The following FOXJ2 variants were observed in gnomAD, a reference collection of about 807,000 sequenced individuals.
The protein encoded by FOXJ2 is forkhead box J2.
Under a neutral mutation model 68.4 loss-of-function variants are expected in FOXJ2, and 18 were observed. That is an observed-to-expected ratio of 0.26 (90% CI 0.18 to 0.39). The LOEUF (loss-of-function observed/expected upper bound fraction) is 0.39, where lower values mean the gene tolerates loss of function less well. FOXJ2 is among the 10% of genes least tolerant of loss of function. The pLI, the probability that FOXJ2 is intolerant of heterozygous loss-of-function variation, is 1.00. For synonymous variants in FOXJ2, 274 were observed against 263.2 expected (o/e 1.04, Z -0.40); for missense variants, 670 against 726.5 (o/e 0.92, Z 0.89).
rs202205771 is a variant in FOXJ2, at chr12:8,048,078, C to A, written c.1014C>A (p.Thr338=). ...SAVGGAPPLH[T]PSTDGCTPPG... ...TAGGGGGTGCTCCTCCACTGCACACCCCAAGCACAGATGGTTGTACCCCAC... is the reference window on the plus strand; with the variant it reads ...TAGGGGGTGCTCCTCCACTGCACACACCAAGCACAGATGGTTGTACCCCAC... The change falls in exon 7 of 11, where the codon ACC becomes ACA. Residue 338 remains threonine (T), a synonymous_variant. Transcript: ENST00000162391. 6.2e-6 allele frequency: 10 copies of A among 1,612,306 alleles called. No individual in the cohort carries two copies. The East Asian group carries it at 2.0e-4, about 32-fold the overall frequency.
rs936525147 is a variant in FOXJ2, at chr12:8,038,503, C to T, written c.-14-1316C>T. Among the ~76,000 whole-genome samples, 4 of 152,182 alleles carry T rather than the reference C, an allele frequency of 2.6e-5. No homozygotes were observed. Among genetic ancestry groups the T allele is most frequent in the Non-Finnish European group, 5.9e-5 (4 of 68,036 alleles). ...TTGAGGCAATCTAGTCCTGGCTCCT[C>T]AGGAGAAGTGCCCTGGTGGGACTGA... On this transcript the variant is annotated intron_variant, in intron 1 of 10. Transcript: ENST00000162391. The surrounding 1 kb of genome is among the most constrained non-coding windows in gnomAD (Gnocchi z 5.3).
At chr12:8,045,748 C>T (rs1340630979) in intron 6 of FOXJ2, among the ~76,000 whole-genome samples, 1 of 152,096 alleles carries the variant, frequency 6.6e-6, no homozygotes, top group African/African-American at 2.4e-5. Context: ...ACCTTCGCCT[C>T]CCAGGTTCAA....
chr12:8,047,740 G>A, intron 6 of FOXJ2, 142 bp from the exon 7 acceptor site: 1 of 1,127,242 alleles, frequency 8.9e-7, no homozygotes, highest in South Asian at 1.6e-5. Flanking sequence ...GAGGGCCACA[G>A]GGATCTTTGC....
In FOXJ2 at chr12:8,044,958, G is replaced by A. The variant is rs371629081; in HGVS notation, c.817G>A (p.Gly273Ser). Reference protein sequence around the residue: ...LEKSSSSSQHGFSSLLGDIPP... With the variant: ...LEKSSSSSQHSFSSLLGDIPP... The stretch of plus-strand genomic sequence containing the variant: ...GAAGTCCTCTTCCTCCTCTCAGCAC[G>A]GTGAGTCTGGAGTTGGGATGGGTGC... Residue 273 changes from glycine (G) to serine (S), a missense_variant and splice_region_variant, in exon 6 of 11, where the codon GGC becomes AGC. By Grantham distance (56) the Gly-to-Ser change is moderately conservative (BLOSUM62 0). This residue lies in a region of FOXJ2 where 555 missense variants were observed against 562.2 expected (regional missense o/e 0.99). Transcript: ENST00000162391. The A allele has an allele frequency of 1.2e-4, 195 of 1,614,128 alleles. 2 individuals carry two copies. In the South Asian group the frequency reaches 1.4e-3, roughly 11 times the overall value.
In FOXJ2 at chr12:8,055,504, T is replaced by A. The variant is rs1707478088; in HGVS notation, c.*2654T>A. 1.3e-5 allele frequency: 2 copies of A among 152,048 alleles called. No individual in the cohort carries two copies. The highest frequency in any genetic ancestry group is 4.1e-4 in the South Asian group (2 of 4,830). The allele number at this position is 152,048 out of a possible 1,614,324, so 9.4% of individuals were successfully genotyped here. A position where few individuals can be genotyped will look rare whatever the true frequency, so the allele number is the denominator to read the frequency against. On this transcript the variant is annotated 3_prime_UTR_variant, in exon 11 of 11. Transcript: ENST00000162391. ...TTTCTTAATAAAAAAAAAAAAAGAA[T>A]GTTTACAGTTTTATCTTACTGGTAG...
Position 8,048,753 on chromosome 12 carries a change from G to C in FOXJ2, c.1282G>C (p.Val428Leu). ...IDSLKESFKM[V>L]NRLNWSSIEQ... Reference sequence around the variant, plus strand: ...CTCTTTAAAGGAAAGCTTCAAGATGGTGAATCGGCTCAATTGGTCCAGCAT... The same window carrying C: ...CTCTTTAAAGGAAAGCTTCAAGATGCTGAATCGGCTCAATTGGTCCAGCAT... Residue 428 changes from valine to leucine, a missense_variant, in exon 8 of 11, where the codon GTG becomes CTG. Val to Leu is a conservative substitution (Grantham distance 32). Around this residue, in one of 2 missense-constraint regions of FOXJ2, gnomAD observed 555 missense variants for 562.2 expected, o/e 0.99. Coordinates refer to ENST00000162391, the MANE Select transcript of FOXJ2 (RefSeq NM_018416.3). 6.2e-7 allele frequency: 1 copy of C among 1,614,088 alleles called. No homozygotes were observed.
At chr12:8,050,830 C>CCCCT in intron 10 of FOXJ2, among the ~76,000 whole-genome samples, 1 of 122,306 alleles carries the variant, frequency 8.2e-6, no homozygotes, top group East Asian at 2.9e-4. Context: ...CCCCTCCCTT[C>CCCCT]CCCTCCCTTC....
chr12:8,051,164 C>G (rs1484828617), intron 10 of FOXJ2, among the ~76,000 whole-genome samples: 1 of 141,608 alleles, frequency 7.1e-6, no homozygotes, highest in Non-Finnish European at 1.5e-5. Context: ...GAGTCTCGCT[C>G]TGTTGCCCAG....
chr12:8,044,954 G>C lies in FOXJ2; in HGVS notation c.813G>C (p.Gln271His), dbSNP rs1027440664. 2 of 1,614,078 alleles carry C rather than the reference G, an allele frequency of 1.2e-6. No individual in the cohort carries two copies. Among genetic ancestry groups the C allele is most frequent in the African/African-American group, 2.7e-5 (2 of 74,938 alleles). The change falls in exon 6 of 11, where the codon CAG becomes CAC. Residue 271 changes from glutamine (Q) to histidine (H), a missense_variant. This residue lies in a region of FOXJ2 where 555 missense variants were observed against 562.2 expected (regional missense o/e 0.99). Coordinates refer to ENST00000162391, the MANE Select transcript of FOXJ2 (RefSeq NM_018416.3). ...TGGAGAAGTCCTCTTCCTCCTCTCA[G>C]CACGGTGAGTCTGGAGTTGGGATGG... Reference protein sequence around the residue: ...SMLEKSSSSSQHGFSSLLGDI... With the variant: ...SMLEKSSSSSHHGFSSLLGDI...
In FOXJ2 at chr12:8,032,789, G is replaced by A. The variant is rs1375371582; in HGVS notation, c.-1059G>A. ...CTGCCCGCCTTCTGGCTCCCCGGGAGCCCAGACTGGTCGGAGCCCGAGCGG... is the reference window on the plus strand; with the variant it reads ...CTGCCCGCCTTCTGGCTCCCCGGGAACCCAGACTGGTCGGAGCCCGAGCGG... On this transcript the variant is annotated 5_prime_UTR_variant, in exon 1 of 11. Transcript: ENST00000162391. The surrounding 1 kb of genome is among the most constrained non-coding windows in gnomAD (Gnocchi z 4.8). The A allele has an allele frequency of 1.1e-4, 45 of 398,320 alleles. No homozygotes were observed. The East Asian group carries it at 1.6e-3, about 14-fold the overall frequency. 24.7% of individuals were successfully genotyped at this position (398,320 alleles called of 1,614,324 possible). A position where few individuals can be genotyped will look rare whatever the true frequency, so the allele number is the denominator to read the frequency against.
At position 8,042,719 on chromosome 12, in the gene FOXJ2, A is replaced by T. The variant is rs775855387; in HGVS notation, c.395A>T (p.Asp132Val). The T allele has an allele frequency of 5.6e-6, 9 of 1,613,926 alleles. No individual in the cohort carries two copies. The highest frequency in any genetic ancestry group is 1.3e-5 in the African/African-American group (1 of 74,932). Residue 132 changes from aspartate (D) to valine (V), a missense_variant, in exon 3 of 11, where the codon GAT becomes GTT. Physicochemically the swap from Asp to Val is radical, Grantham distance 152. Coordinates refer to ENST00000162391, the MANE Select transcript of FOXJ2 (RefSeq NM_018416.3). ...TTCCGGAAGGTGCCCAGACCTCGGG[A>T]TGACCCTGGGAAGGTAAGATACTAC... ...KCFRKVPRPRDDPGKGSYWTI... is the reference protein window; with the variant it reads ...KCFRKVPRPRVDPGKGSYWTI...
chr12:8,048,406 C>T, intron 7 of FOXJ2, 117 bp downstream of exon 7: 1 of 1,455,996 alleles, frequency 6.9e-7, no homozygotes, highest in South Asian at 1.4e-5. Flanking sequence ...AGGCTTCGCT[C>T]CTTCATGTGA....
intron 1 of FOXJ2, 129 bp from the exon 2 acceptor site, chr12:8,039,690 C>T (rs111859004): frequency 6.6e-6 from 5 of 752,502 alleles, no homozygotes; most frequent in African/African-American, 1.7e-5. Context: ...CTGGGAACAC[C>T]TGGTGGAAGG....
At position 8,043,717 on chromosome 12, in the gene FOXJ2, T is replaced by C. The variant is rs769799504; in HGVS notation, c.425T>C (p.Ile142Thr). 10 of 1,614,046 alleles carry C rather than the reference T, an allele frequency of 6.2e-6. No homozygotes were observed. The highest frequency in any genetic ancestry group is 1.1e-5 in the South Asian group (1 of 91,080). The change falls in exon 4 of 11, where the codon ATT becomes ACT. Residue 142 changes from isoleucine to threonine, a missense_variant. Around this residue, in one of 2 missense-constraint regions of FOXJ2, gnomAD observed 555 missense variants for 562.2 expected, o/e 0.99. Coordinates refer to ENST00000162391, the MANE Select transcript of FOXJ2 (RefSeq NM_018416.3). ...DDPGKGSYWT[I>T]DTCPDISRKR... is the part of the protein sequence containing the mutation. Reference sequence around the variant, plus strand: ...TCCTTCCAGGGTTCCTATTGGACAATTGACACCTGCCCTGACATTTCCCGA... The same window carrying C: ...TCCTTCCAGGGTTCCTATTGGACAACTGACACCTGCCCTGACATTTCCCGA...
In FOXJ2 at chr12:8,042,713, C is replaced by T; in HGVS notation, c.389C>T (p.Pro130Leu). The T allele has an allele frequency of 6.2e-7, 1 of 1,614,070 alleles. No homozygotes were observed. Among genetic ancestry groups the T allele is most frequent in the Non-Finnish European group, 8.5e-7 (1 of 1,179,946 alleles). ...LNKCFRKVPR[P>L]RDDPGKGSYW... ...AAGTGTTTCCGGAAGGTGCCCAGAC[C>T]TCGGGATGACCCTGGGAAGGTAAGA... is the stretch of plus-strand genomic sequence containing the variant. The change falls in exon 3 of 11, where the codon CCT becomes CTT. Residue 130 changes from proline (P) to leucine (L), a missense_variant. Coordinates refer to ENST00000162391, the MANE Select transcript of FOXJ2 (RefSeq NM_018416.3).
Position 8,053,518 on chromosome 12 carries a change from T to G in FOXJ2, c.*668T>G, listed in dbSNP as rs1373224497. The stretch of plus-strand genomic sequence containing the variant: ...CAGGAGGGTGACAATAAAATCCTAG[T>G]GGAATTGGAGACCATTGGAAGGGAT... On this transcript the variant is annotated 3_prime_UTR_variant, in exon 11 of 11. Transcript: ENST00000162391. This position sits in a 1 kb window ranked among gnomAD's most constrained non-coding sequence, Gnocchi z 4.1. The G allele has an allele frequency of 6.6e-6, 1 of 152,596 alleles. No individual in the cohort carries two copies. Among genetic ancestry groups the G allele is most frequent in the East Asian group, 1.9e-4 (1 of 5,202 alleles). 9.5% of individuals were successfully genotyped at this position (152,596 alleles called of 1,614,324 possible).
chr12:8,036,080 A>G (rs1161174800), intron 1 of FOXJ2, among the ~76,000 whole-genome samples: 2 of 152,344 alleles, frequency 1.3e-5, no homozygotes, highest in East Asian at 1.9e-4. Context: ...CAACAGCTAC[A>G]TTTATTTAGC....
intron 5 of FOXJ2, among the ~76,000 whole-genome samples, chr12:8,044,394 C>A (rs1247360270): frequency 1.3e-5 from 2 of 152,098 alleles, no homozygotes; most frequent in Non-Finnish European, 2.9e-5. Context: ...ATCCAACATG[C>A]CAAAACCCCA....
intron 1 of FOXJ2, among the ~76,000 whole-genome samples, chr12:8,039,231 A>G (rs1250423853): frequency 6.6e-6 from 1 of 151,900 alleles, no homozygotes; most frequent in East Asian, 1.9e-4. Context: ...TGCCTGGGAT[A>G]TATCTAATAT....
Sources: allele counts gnomAD v4.1 joint callset (sites outside exome capture counted in the v4.1 genomes callset), GRCh38; gene constraint gnomAD v4.1.1; regional missense constraint gnomAD v4.1.1; non-coding constraint Gnocchi (gnomAD v3.1); transcripts MANE v1.5; gene names NCBI Gene and HGNC (gene_info 2026-07-23, HGNC 2026-07-21).